The following DLGAP2 variants were observed in gnomAD, a reference collection of about 807,000 sequenced individuals.
DLGAP2 encodes the protein DLG associated protein 2, also known as disks large-associated protein 2.
Under a neutral mutation model 100.3 loss-of-function variants are expected in DLGAP2, and 26 were observed. The ratio of observed to expected loss-of-function variants is 0.26; its 90% CI spans 0.19 to 0.36. The LOEUF (loss-of-function observed/expected upper bound fraction) is 0.36, where lower values mean the gene tolerates loss of function less well. Ranked by LOEUF, DLGAP2 falls within the 10% of genes least tolerant of loss-of-function variation. The pLI, the probability that DLGAP2 is intolerant of heterozygous loss-of-function variation, is 1.00. For missense variants in DLGAP2, 1,858 were observed against 1,453.2 expected (o/e 1.28, Z -4.53); for synonymous variants, 886 against 630.1 (o/e 1.41, Z -6.08).
intron 3 of DLGAP2, among the ~76,000 whole-genome samples, chr8:1,423,576 C>G (rs1309595430): frequency 6.6e-6 from 1 of 152,216 alleles, no homozygotes; most frequent in Non-Finnish European, 1.5e-5. Flanking sequence ...TTGAAAAGCA[C>G]GACTTCCAGG....
intron 2 of DLGAP2, among the ~76,000 whole-genome samples, chr8:945,382 T>A (rs1799293463): frequency 6.6e-6 from 1 of 152,196 alleles, no homozygotes; most frequent in Non-Finnish European, 1.5e-5. Flanking sequence ...TCTAGACCCC[T>A]TTTGAAACTG....
chr8:1,464,671 G>C (rs1798571866), intron 3 of DLGAP2, among the ~76,000 whole-genome samples: 1 of 152,150 alleles, frequency 6.6e-6, no homozygotes, highest in South Asian at 2.1e-4. Context: ...GCCAGGAAGA[G>C]CTGTCAGGGG....
At chr8:1,083,733 G>C (rs1336582079) in intron 2 of DLGAP2, among the ~76,000 whole-genome samples, 1 of 152,160 alleles carries the variant, frequency 6.6e-6, no homozygotes, top group Admixed American at 6.5e-5. Context: ...TTAATTTCAT[G>C]TGCAAGCGCC....
At chr8:803,988 T>G (rs1796219352) in intron 1 of DLGAP2, among the ~76,000 whole-genome samples, 1 of 152,212 alleles carries the variant, frequency 6.6e-6, no homozygotes, top group Non-Finnish European at 1.5e-5. Flanking sequence ...AATTTTAAGC[T>G]GCTGCCTTCT....
chr8:1,700,966 T>C (rs4876123), intron 14 of DLGAP2, among the ~76,000 whole-genome samples: 81,904 of 152,104 alleles, frequency 0.54, 22,406 homozygotes, highest in East Asian at 0.65. Context: ...CTCTGCCCCC[T>C]TTGGAGAGTG....
At chr8:1,572,131 G>A (rs569726006) in intron 6 of DLGAP2, among the ~76,000 whole-genome samples, 25 of 140,498 alleles carry the variant, frequency 1.8e-4, no homozygotes, top group Admixed American at 5.6e-4. Context: ...GAACTGGAGG[G>A]GCATCTTCTG....
chr8:1,479,981 G>C (rs532373093), intron 3 of DLGAP2, among the ~76,000 whole-genome samples: 6 of 152,330 alleles, frequency 3.9e-5, no homozygotes, highest in Admixed American at 2.6e-4. Flanking sequence ...CAGTCCCTGT[G>C]ATAAATGTTT....
At chr8:1,467,961 A>T (rs951235985) in intron 3 of DLGAP2, among the ~76,000 whole-genome samples, 3 of 152,224 alleles carry the variant, frequency 2.0e-5, no homozygotes, top group Non-Finnish European at 4.4e-5. Flanking sequence ...CATTTTTGAA[A>T]AGTGTTACCC....
chr8:1,277,155 A>T (rs569266613), intron 3 of DLGAP2, among the ~76,000 whole-genome samples: 3 of 152,320 alleles, frequency 2.0e-5, no homozygotes, highest in African/African-American at 7.2e-5. Flanking sequence ...GAATCTAGAA[A>T]TCTCAGAAAT....
At chr8:1,543,543 G>A (rs1172498350) in intron 4 of DLGAP2, among the ~76,000 whole-genome samples, 1 of 152,210 alleles carries the variant, frequency 6.6e-6, no homozygotes, top group Non-Finnish European at 1.5e-5. Context: ...GTCCATGTGT[G>A]CATCCTTGTG....
Position 1,705,989 on chromosome 8 carries a change from G to GAC in DLGAP2, c.*4590_*4591dup, listed in dbSNP as rs1799695591. The GAC allele has an allele frequency of 1.3e-5, 2 of 152,208 alleles. No individual in the cohort carries two copies. Among genetic ancestry groups the GAC allele is most frequent in the South Asian group, 4.1e-4 (2 of 4,836 alleles). 9.4% of individuals were successfully genotyped at this position (152,208 alleles called of 1,614,324 possible). A position where few individuals can be genotyped will look rare whatever the true frequency, so the allele number is the denominator to read the frequency against. On this transcript the variant is annotated 3_prime_UTR_variant, in exon 15 of 15. Transcript: ENST00000637795. ...TCATTCAGGGCCATGTGGCAGCCATGACACACACCACATAAGGTCAGCTCA... is the reference window on the plus strand; with the variant it reads ...TCATTCAGGGCCATGTGGCAGCCATGACACACACACCACATAAGGTCAGCTCA...
chr8:1,685,940 A>T (rs1192904659), intron 12 of DLGAP2, among the ~76,000 whole-genome samples: 1 of 152,176 alleles, frequency 6.6e-6, no homozygotes, highest in Non-Finnish European at 1.5e-5. Flanking sequence ...ATGCTGTCAC[A>T]GGTGCGGAGT....
intron 4 of DLGAP2, among the ~76,000 whole-genome samples, chr8:1,547,056 G>A (rs993278689): frequency 1.3e-5 from 2 of 152,110 alleles, no homozygotes; most frequent in African/African-American, 4.8e-5. Context: ...TGAATGCAGG[G>A]ATGCATTCCA....
At chr8:1,265,666 C>T (rs546709369) in intron 3 of DLGAP2, among the ~76,000 whole-genome samples, 6 of 152,072 alleles carry the variant, frequency 3.9e-5, no homozygotes, top group Non-Finnish European at 5.9e-5. Context: ...AGTGAAACCA[C>T]GGAATAGGAG....
chr8:1,278,116 G>C lies in DLGAP2; in HGVS notation c.106+19233G>C, dbSNP rs187366559. 1.7e-4 allele frequency among the ~76,000 whole-genome samples: 26 copies of C among 152,282 alleles called. 1 individual carries two copies. Among genetic ancestry groups the C allele is most frequent in the African/African-American group, 6.0e-4 (25 of 41,566 alleles). Reference sequence around the variant, plus strand: ...TTATTCAGATGATACCTCACGCCAGGTCAGGTGAGGGAGTGGCATCCGTGC... The same window carrying C: ...TTATTCAGATGATACCTCACGCCAGCTCAGGTGAGGGAGTGGCATCCGTGC... On this transcript the variant is annotated intron_variant, in intron 3 of 14. Coordinates refer to ENST00000637795, the MANE Select transcript of DLGAP2 (RefSeq NM_001346810.2).
At chr8:909,751 G>A (rs1798448256) in intron 2 of DLGAP2, among the ~76,000 whole-genome samples, 1 of 152,176 alleles carries the variant, frequency 6.6e-6, no homozygotes. Flanking sequence ...GAAGAGAGAG[G>A]TGTTGGTTGA....
Position 1,674,443 on chromosome 8 carries a change from C to A in DLGAP2, c.2203-2090C>A, listed in dbSNP as rs902909736. Among the ~76,000 whole-genome samples, 19 of 152,308 alleles carry A rather than the reference C, an allele frequency of 1.2e-4. 1 individual carries two copies. Among genetic ancestry groups the A allele is most frequent in the Admixed American group, 1.2e-3 (18 of 15,296 alleles). ...GTATCACCCTCATTCTCCCCAGGTG[C>A]TACTTTATAAATAATGCTGCAATGA... is the stretch of plus-strand genomic sequence containing the variant. On this transcript the variant is annotated intron_variant, in intron 10 of 14. Coordinates refer to ENST00000637795, the MANE Select transcript of DLGAP2 (RefSeq NM_001346810.2).
At chr8:1,632,108 G>T (rs1797662006) in intron 7 of DLGAP2, among the ~76,000 whole-genome samples, 1 of 151,988 alleles carries the variant, frequency 6.6e-6, no homozygotes, top group Non-Finnish European at 1.5e-5. Flanking sequence ...AAGGATGGAA[G>T]GGAGGGAGGA....
At chr8:929,769 C>T (rs1798914369) in intron 2 of DLGAP2, among the ~76,000 whole-genome samples, 1 of 148,638 alleles carries the variant, frequency 6.7e-6, no homozygotes, top group African/African-American at 2.5e-5. Context: ...ATGAGGGCTG[C>T]AGTCTAATTA....
Sources: allele counts gnomAD v4.1 joint callset (sites outside exome capture counted in the v4.1 genomes callset), GRCh38; gene constraint gnomAD v4.1.1; transcripts MANE v1.5; gene names NCBI Gene and HGNC (gene_info 2026-07-23, HGNC 2026-07-21).